Variants in IL20RA observed in about 807,000 individuals in gnomAD.
The protein encoded by IL20RA is interleukin-20 receptor subunit alpha.
In IL20RA, 29 loss-of-function variants were observed where a neutral mutation model predicts 36.5. The observed-to-expected ratio is 0.79, with a 90% CI of 0.59 to 1.08. The LOEUF (loss-of-function observed/expected upper bound fraction) is 1.08, where lower values mean the gene tolerates loss of function less well. IL20RA is among the 50% of genes least tolerant of loss of function. IL20RA has a pLI of 0.00. For synonymous variants in IL20RA, 279 were observed against 267.1 expected, an observed-to-expected ratio of 1.04 and a Z score of -0.43; for missense variants, 652 against 668.4, an observed-to-expected ratio of 0.98 and a Z score of 0.27.
At chr6:137,020,487 T>TA (rs745915920) in intron 1 of IL20RA, among the ~76,000 whole-genome samples, 1,367 of 66,912 alleles carry the variant, frequency 0.02, 22 homozygotes, top group African/African-American at 0.046. Context: ...GACCAATCAC[T>TA]AAAAAAAAAA....
intron 1 of IL20RA, 30 bp from the exon 2 acceptor site, chr6:137,017,133 C>T: frequency 6.2e-7 from 1 of 1,603,444 alleles, no homozygotes; most frequent in Non-Finnish European, 8.5e-7. Context: ...GAATTGAGGT[C>T]TTAGTAGCAG....
At chr6:137,036,686 T>C (rs1776504235) in intron 1 of IL20RA, among the ~76,000 whole-genome samples, 1 of 152,176 alleles carries the variant, frequency 6.6e-6, no homozygotes, top group African/African-American at 2.4e-5. Context: ...GAACCCACCC[T>C]GCTGACACCT....
At chr6:137,042,279 C>T (rs545775670) in intron 1 of IL20RA, among the ~76,000 whole-genome samples, 1 of 152,278 alleles carries the variant, frequency 6.6e-6, no homozygotes, top group South Asian at 2.1e-4. Flanking sequence ...GCTGGAGAGA[C>T]AGGCAGGAGT....
chr6:137,044,218 G>C (rs1418431981), intron 1 of IL20RA: 3 of 987,736 alleles, frequency 3.0e-6, no homozygotes, highest in Non-Finnish European at 3.6e-6. Flanking sequence ...GCCGAGACGC[G>C]GCATCCACAG....
chr6:137,003,030 C>A (rs1775136152), intron 6 of IL20RA, among the ~76,000 whole-genome samples: 1 of 152,156 alleles, frequency 6.6e-6, no homozygotes, highest in African/African-American at 2.4e-5. Context: ...ATGAAAGATA[C>A]CTGTTATCTA....
At chr6:137,013,983 A>T (rs1775584577) in intron 2 of IL20RA, among the ~76,000 whole-genome samples, 1 of 152,210 alleles carries the variant, frequency 6.6e-6, no homozygotes, top group South Asian at 2.1e-4. Flanking sequence ...TCTATTTTTT[A>T]AAAATCCCTT....
At chr6:137,010,332 T>A (rs1232849024) in intron 3 of IL20RA, among the ~76,000 whole-genome samples, 1 of 152,238 alleles carries the variant, frequency 6.6e-6, no homozygotes, top group African/African-American at 2.4e-5. Flanking sequence ...TGTAAACAAA[T>A]GAGTGTGGCT....
rs755160359 is a variant in IL20RA, at chr6:137,002,089, C to T, written c.1131G>A (p.Thr377=). The change falls in exon 7 of 7, where the codon ACG becomes ACA. Residue 377 remains threonine, a synonymous_variant. Coordinates refer to ENST00000316649, the MANE Select transcript of IL20RA (RefSeq NM_014432.4). Reference sequence around the variant, plus strand: ...CTTGCTGGGTGAGAGAAGTACCTTCCGTGTTTTCTTCAGAGTCACAAAAAA... The same window carrying T: ...CTTGCTGGGTGAGAGAAGTACCTTCTGTGTTTTCTTCAGAGTCACAAAAAA... ...MEIFCDSEEN[T]EGTSLTQQES... is the part of the protein sequence containing the mutation. 19 of 1,614,000 alleles carry T rather than the reference C, an allele frequency of 1.2e-5. No individual in the cohort carries two copies. The South Asian group carries it at 1.3e-4, about 11-fold the overall frequency.
At chr6:137,011,246 T>C in intron 3 of IL20RA, 28 bp downstream of exon 3, 2 of 1,565,102 alleles carry the variant, frequency 1.3e-6, no homozygotes, top group Non-Finnish European at 1.7e-6. Context: ...CATGTTTAAC[T>C]GACCATTGCA....
intron 1 of IL20RA, among the ~76,000 whole-genome samples, chr6:137,018,513 C>CGCGTGT (rs1554213675): frequency 2.1e-5 from 3 of 142,816 alleles, no homozygotes; most frequent in South Asian, 2.2e-4. Flanking sequence ...CTGCCGTGTG[C>CGCGTGT]GTGTGTGTGT....
chr6:137,003,891 C>T (rs1775171243), intron 6 of IL20RA, among the ~76,000 whole-genome samples: 1 of 152,162 alleles, frequency 6.6e-6, no homozygotes, highest in Non-Finnish European at 1.5e-5. Context: ...CTACTCACCT[C>T]TCATAGCCAA....
chr6:137,044,291 C>T (rs1776817161), intron 1 of IL20RA: 1 of 1,008,864 alleles, frequency 9.9e-7, no homozygotes, highest in African/African-American at 1.7e-5. Flanking sequence ...CGAGGGGCCC[C>T]GCATGGTAAC....
At chr6:137,011,166 A>C (rs1033353293) in intron 3 of IL20RA, 108 bp downstream of exon 3, 1 of 866,460 alleles carries the variant, frequency 1.2e-6, no homozygotes, top group African/African-American at 1.7e-5. Flanking sequence ...TCCAGAATAC[A>C]GCCAAGCAGA....
At chr6:137,024,814 G>A (rs1266285943) in intron 1 of IL20RA, among the ~76,000 whole-genome samples, 1 of 152,174 alleles carries the variant, frequency 6.6e-6, no homozygotes, top group Admixed American at 6.5e-5. Flanking sequence ...TAGGGTGTGT[G>A]TGGTCTCCAC....
intron 1 of IL20RA, among the ~76,000 whole-genome samples, chr6:137,019,419 G>A (rs930792851): frequency 3.9e-5 from 6 of 151,974 alleles, no homozygotes; most frequent in Non-Finnish European, 7.4e-5. Flanking sequence ...ATGAGCCACC[G>A]CGCCCAGCCC....
chr6:137,044,592 C>T (rs897517844), intron 1 of IL20RA, 49 bp downstream of exon 1: 18 of 1,217,796 alleles, frequency 1.5e-5, no homozygotes, highest in Non-Finnish European at 1.7e-5. Context: ...TGGCGGGGCC[C>T]CGGCCTGGAG....
intron 1 of IL20RA, chr6:137,044,128 G>T: frequency 3.0e-6 from 3 of 985,634 alleles, no homozygotes; most frequent in Non-Finnish European, 3.6e-6. Flanking sequence ...ATGTTCCTTC[G>T]GGGCTGACCC....
intron 2 of IL20RA, 93 bp from the exon 3 acceptor site, chr6:137,011,545 G>A (rs1419738721): frequency 7.1e-5 from 57 of 806,074 alleles, no homozygotes; most frequent in Non-Finnish European, 8.9e-5. Context: ...TGGAACTGAC[G>A]ACCTTCTCTT....
In IL20RA at chr6:137,006,791, C is replaced by T. The variant is rs147224458; in HGVS notation, c.724+1808G>A. Among the ~76,000 whole-genome samples the T allele has an allele frequency of 1.9e-3, 285 of 151,630 alleles. 1 individual carries two copies. Among genetic ancestry groups the T allele is most frequent in the Non-Finnish European group, 1.8e-3 (125 of 67,914 alleles). ...AGGCTGGAGTGCAGTGGCACAATCA[C>T]GGCTCACTGTAGCCTTGACTTCCCC... On this transcript the variant is annotated intron_variant, in intron 5 of 6. Coordinates refer to ENST00000316649, the MANE Select transcript of IL20RA (RefSeq NM_014432.4).
Sources: gnomAD v4.1 joint callset for allele counts (sites outside exome capture counted in the v4.1 genomes callset) on GRCh38, gnomAD v4.1.1 for gene constraint, MANE v1.5 for transcripts, NCBI Gene and HGNC (gene_info 2026-07-23, HGNC 2026-07-21) for gene names.